Variants in GABRG2 observed in about 807,000 individuals in gnomAD.
GABRG2 encodes gamma-aminobutyric acid receptor subunit gamma-2.
GABRG2 carries 16 observed loss-of-function variants against 56.4 expected under a neutral mutation model. That is an observed-to-expected ratio of 0.28 (90% CI 0.19 to 0.43). GABRG2 has a LOEUF of 0.43. Ranked by LOEUF, GABRG2 falls within the 20% of genes least tolerant of loss-of-function variation. The pLI is 1.00. For missense variants in GABRG2, 327 were observed against 582.7 expected (o/e 0.56, Z 4.52); for synonymous variants, 208 against 205.5 (o/e 1.01, Z -0.10).
chr5:162,069,384 T>C (rs1758488744), intron 1 of GABRG2, among the ~76,000 whole-genome samples: 1 of 152,164 alleles, frequency 6.6e-6, no homozygotes, highest in Admixed American at 6.5e-5. Flanking sequence ...GACAGTGCCC[T>C]AACATTTTTT....
At chr5:162,074,146 AAGTT>A (rs1758896559) in intron 1 of GABRG2, among the ~76,000 whole-genome samples, 1 of 152,018 alleles carries the variant, frequency 6.6e-6, no homozygotes, top group African/African-American at 2.4e-5. Flanking sequence ...AGCTCCTTTC[AAGTT>A]ACACATTAGT....
intron 6 of GABRG2, among the ~76,000 whole-genome samples, chr5:162,127,149 C>T (rs905012129): frequency 1.3e-5 from 2 of 151,806 alleles, no homozygotes; most frequent in African/African-American, 4.8e-5. Flanking sequence ...AGCAGGATTG[C>T]CGGAAGCTCA....
rs1235637333 is a variant in GABRG2 at position 162,142,323 on chromosome 5, C to T, written c.922+7C>T. On this transcript the variant is annotated splice_region_variant and intron_variant, in intron 7 of 9. Transcript: ENST00000639213. ...CCAGCCAGAACATCTTTAGGTGAGACACCTTTGTTTATGTTGCAGTTTCTC... is the reference window on the plus strand; with the variant it reads ...CCAGCCAGAACATCTTTAGGTGAGATACCTTTGTTTATGTTGCAGTTTCTC... The T allele has an allele frequency of 2.5e-6, 4 of 1,613,940 alleles. No individual in the cohort carries two copies. The highest frequency in any genetic ancestry group is 2.2e-5 in the South Asian group (2 of 91,078).
chr5:162,151,676 TC>T, intron 8 of GABRG2, 53 bp from the exon 9 acceptor site: 1 of 1,451,326 alleles, frequency 6.9e-7, no homozygotes, highest in Non-Finnish European at 9.5e-7. Flanking sequence ...TCATTTTTTT[TC>T]TCCTTTTTAT....
intron 6 of GABRG2, among the ~76,000 whole-genome samples, chr5:162,136,714 G>A (rs1212649358): frequency 6.6e-6 from 1 of 152,188 alleles, no homozygotes; most frequent in South Asian, 2.1e-4. Context: ...TTGATGCCAG[G>A]TTTAGAAGCC....
intron 1 of GABRG2, 42 bp downstream of exon 1, chr5:162,068,148 T>TGG: frequency 7.5e-7 from 1 of 1,341,746 alleles, no homozygotes; most frequent in Non-Finnish European, 1.1e-6. Context: ...TCTGAAGAGG[T>TGG]GGGGGGAAGG....
chr5:162,102,547 TG>T (rs1316636301), intron 5 of GABRG2: 2 of 454,154 alleles, frequency 4.4e-6, no homozygotes, highest in Non-Finnish European at 8.8e-6. Flanking sequence ...TGTTTTGTTT[TG>T]GACAGGGTCT....
intron 4 of GABRG2, chr5:162,098,144 T>C: frequency 2.3e-6 from 1 of 442,350 alleles, no homozygotes; most frequent in Non-Finnish European, 4.1e-6. Context: ...TCTTGCAAGA[T>C]CATCTGACCT....
chr5:162,148,821 ATTATACT>A (rs1282895052), intron 7 of GABRG2, among the ~76,000 whole-genome samples: 2 of 152,210 alleles, frequency 1.3e-5, no homozygotes, highest in Non-Finnish European at 2.9e-5. Flanking sequence ...ATAATGTAAC[ATTATACT>A]TTTCTCTGCT....
chr5:162,127,368 TTCTA>T, intron 6 of GABRG2, among the ~76,000 whole-genome samples: 1 of 151,978 alleles, frequency 6.6e-6, no homozygotes, highest in South Asian at 2.1e-4. Flanking sequence ...TATTGGGTTG[TTCTA>T]GTTTGTTTTC....
In GABRG2 at chr5:162,142,708, A is replaced by G. The variant is rs190810140; in HGVS notation, c.922+392A>G. On this transcript the variant is annotated intron_variant, in intron 7 of 9. Coordinates refer to ENST00000639213, the MANE Select transcript of GABRG2 (RefSeq NM_198904.4). ...GGTGGGAATTGAACAATGAGAACACATGCACATAGGAAGGGGAACATCACA... is the reference window on the plus strand; with the variant it reads ...GGTGGGAATTGAACAATGAGAACACGTGCACATAGGAAGGGGAACATCACA... 4.2e-3 allele frequency: 1,389 copies of G among 330,806 alleles called. 7 individuals carry two copies. Among genetic ancestry groups the G allele is most frequent in the Non-Finnish European group, 6.4e-3 (1,077 of 168,654 alleles). 20.5% of individuals were successfully genotyped at this position (330,806 alleles called of 1,614,324 possible).
rs565583731 is a variant in GABRG2 at position 162,119,469 on chromosome 5, T to C, written c.769+15443T>C. Among the ~76,000 whole-genome samples, 16 of 152,278 alleles carry C rather than the reference T, an allele frequency of 1.1e-4. No homozygotes were observed. In the South Asian group the frequency reaches 3.3e-3, roughly 32 times the overall value. On this transcript the variant is annotated intron_variant, in intron 6 of 9. Transcript: ENST00000639213. ...ATTCATTTATAGTATATCATAATTC[T>C]CTTAAGAACTTTGAAGTAGATATAT... is the stretch of plus-strand genomic sequence containing the variant.
intron 1 of GABRG2, among the ~76,000 whole-genome samples, chr5:162,084,853 G>A (rs947111604): frequency 1.3e-5 from 2 of 151,820 alleles, no homozygotes; most frequent in Non-Finnish European, 2.9e-5. Flanking sequence ...CAGTCAATGT[G>A]TGTTTCTGGA....
intron 6 of GABRG2, among the ~76,000 whole-genome samples, chr5:162,105,580 C>T (rs910584338): frequency 1.3e-5 from 2 of 151,900 alleles, no homozygotes; most frequent in Non-Finnish European, 2.9e-5. Flanking sequence ...CAGGCGCCCA[C>T]CACCACGCCT....
intron 6 of GABRG2, among the ~76,000 whole-genome samples, chr5:162,107,787 C>A (rs74808690): frequency 0.097 from 14,709 of 152,170 alleles, 770 homozygotes; most frequent in Middle Eastern, 0.11. Flanking sequence ...AGAGTCATGT[C>A]TCTGCCTCCC....
intron 7 of GABRG2, 186 bp downstream of exon 7, chr5:162,142,502 A>C (rs1764647318): frequency 1.7e-6 from 1 of 593,818 alleles, no homozygotes; most frequent in Non-Finnish European, 3.0e-6. Flanking sequence ...ACCAACCCAA[A>C]TGTCCATCAA....
intron 6 of GABRG2, among the ~76,000 whole-genome samples, chr5:162,119,142 A>G (rs1762820675): frequency 6.6e-6 from 1 of 152,162 alleles, no homozygotes; most frequent in Admixed American, 6.6e-5. Flanking sequence ...ACAGAGATAT[A>G]GAGAAATATT....
At chr5:162,146,026 C>T (rs1467555908) in intron 7 of GABRG2, among the ~76,000 whole-genome samples, 7 of 151,230 alleles carry the variant, frequency 4.6e-5, no homozygotes, top group African/African-American at 1.7e-4. Flanking sequence ...ACCCTATGCA[C>T]ATTTTTAAAT....
intron 6 of GABRG2, among the ~76,000 whole-genome samples, chr5:162,138,374 A>G (rs1447104522): frequency 6.6e-6 from 1 of 152,192 alleles, no homozygotes; most frequent in East Asian, 1.9e-4. Flanking sequence ...TATGTCCCCA[A>G]TTCAAGTGTT....
Sources: gnomAD v4.1 joint callset for allele counts (sites outside exome capture counted in the v4.1 genomes callset) on GRCh38, gnomAD v4.1.1 for gene constraint, MANE v1.5 for transcripts, NCBI Gene and HGNC (gene_info 2026-07-23, HGNC 2026-07-21) for gene names.